ARHGEF7: variants seen among roughly 807,000 people sequenced by gnomAD.
ARHGEF7 encodes the protein Rho guanine nucleotide exchange factor 7, also known as PAK-interacting exchange factor beta.
ARHGEF7 carries 33 observed loss-of-function variants against 109.8 expected under a neutral mutation model. That is an observed-to-expected ratio of 0.30 (90% CI 0.23 to 0.40). ARHGEF7 has a LOEUF of 0.40. ARHGEF7 is among the 10% of genes least tolerant of loss of function. The pLI is 1.00. For synonymous variants in ARHGEF7, 458 were observed against 424.6 expected (o/e 1.08, Z -0.97); for missense variants, 938 against 1,098.5 (o/e 0.85, Z 2.07).
intron 1 of ARHGEF7, among the ~76,000 whole-genome samples, chr13:111,117,636 T>A (rs1402411021): frequency 6.6e-6 from 1 of 152,232 alleles, no homozygotes; most frequent in Non-Finnish European, 1.5e-5. Flanking sequence ...TTTTTCCATT[T>A]GCTAGGCAGA....
chr13:111,115,735 C>T, intron 1 of ARHGEF7, 44 bp downstream of exon 1: 3 of 1,083,734 alleles, frequency 2.8e-6, no homozygotes, highest in South Asian at 8.7e-5. Flanking sequence ...CCGGTCCGGC[C>T]CGCTGCGGCC....
At chr13:111,212,218 G>C (rs1250183676) in intron 4 of ARHGEF7, among the ~76,000 whole-genome samples, 2 of 152,188 alleles carry the variant, frequency 1.3e-5, no homozygotes, top group Admixed American at 6.5e-5. Flanking sequence ...CACTGCAGTG[G>C]AGGTTTTCAC....
intron 1 of ARHGEF7, among the ~76,000 whole-genome samples, chr13:111,118,901 G>A (rs1293680118): frequency 2.6e-5 from 4 of 152,176 alleles, no homozygotes; most frequent in Admixed American, 2.6e-4. Context: ...TCCATGTGAT[G>A]TGCTCCCGAG....
At chr13:111,201,772 G>A (rs2081236558) in intron 2 of ARHGEF7, among the ~76,000 whole-genome samples, 3 of 152,126 alleles carry the variant, frequency 2.0e-5, no homozygotes, top group Non-Finnish European at 1.5e-5. Context: ...GCTCTGCTCC[G>A]TAGTCTCAGC....
chr13:111,231,724 G>T (rs923618470), intron 5 of ARHGEF7, among the ~76,000 whole-genome samples: 1 of 152,148 alleles, frequency 6.6e-6, no homozygotes, highest in Non-Finnish European at 1.5e-5. Context: ...GATGGGGGAC[G>T]CATGGGAGGA....
rs2153584595 is a variant in ARHGEF7, at chr13:111,267,460, C to T, written c.951-88C>T. ...CAGATGGGTGCAGAGGGAGGTTTTCCTTACTCAGAGTATTATATGTCTGTC... is the reference window on the plus strand; with the variant it reads ...CAGATGGGTGCAGAGGGAGGTTTTCTTTACTCAGAGTATTATATGTCTGTC... On this transcript the variant is annotated intron_variant, in intron 8 of 21. Coordinates refer to ENST00000646102, the MANE Select transcript of ARHGEF7 (RefSeq NM_001354046.2). 2.6e-6 allele frequency: 4 copies of T among 1,550,438 alleles called. 1 individual carries two copies. The highest frequency in any genetic ancestry group is 4.6e-5 in the East Asian group (2 of 43,252).
rs1344414447 is a variant in ARHGEF7, at chr13:111,303,934, C to T, written c.*821C>T. 6.6e-6 allele frequency: 1 copy of T among 152,202 alleles called. No individual in the cohort carries two copies. The highest frequency in any genetic ancestry group is 6.5e-5 in the Admixed American group (1 of 15,274). The allele number at this position is 152,202 out of a possible 1,614,324, so 9.4% of individuals were successfully genotyped here. ...AGGCTAGTTCAGTAACAACAAAATACACTGTTTTGTCTTCCCTCAAAGAGA... is the reference window on the plus strand; with the variant it reads ...AGGCTAGTTCAGTAACAACAAAATATACTGTTTTGTCTTCCCTCAAAGAGA... On this transcript the variant is annotated 3_prime_UTR_variant, in exon 22 of 22. Coordinates refer to ENST00000646102, the MANE Select transcript of ARHGEF7 (RefSeq NM_001354046.2).
At chr13:111,158,969 C>T in intron 2 of ARHGEF7, 2 of 715,834 alleles carry the variant, frequency 2.8e-6, no homozygotes, top group Non-Finnish European at 2.6e-6. Flanking sequence ...AAATTTATTC[C>T]TCCCGTCCGA....
At chr13:111,231,816 G>C (rs573833603) in intron 5 of ARHGEF7, among the ~76,000 whole-genome samples, 2 of 152,266 alleles carry the variant, frequency 1.3e-5, no homozygotes, top group East Asian at 3.9e-4. Flanking sequence ...CAGTGAGGGG[G>C]TTCACATGGC....
intron 5 of ARHGEF7, among the ~76,000 whole-genome samples, chr13:111,220,542 T>C (rs1174482389): frequency 6.6e-6 from 1 of 151,958 alleles, no homozygotes; most frequent in Non-Finnish European, 1.5e-5. Flanking sequence ...TCCTCTCCAG[T>C]TGGAAGTGAT....
At position 111,267,644 on chromosome 13, in the gene ARHGEF7, T is replaced by G; in HGVS notation, c.1047T>G (p.Ser349=). ...TCACGTATTGTGCCAATCACCCTTCTGCAGTGAATGTCCTCACGGAACACA... is the reference window on the plus strand; with the variant it reads ...TCACGTATTGTGCCAATCACCCTTCGGCAGTGAATGTCCTCACGGAACACA... ...LYLTYCANHP[S]AVNVLTEHSE... is the part of the protein sequence containing the mutation. The change falls in exon 9 of 22, where the codon TCT becomes TCG. Residue 349 remains serine, a synonymous_variant. Coordinates refer to ENST00000646102, the MANE Select transcript of ARHGEF7 (RefSeq NM_001354046.2). 1 of 1,614,098 alleles carries G rather than the reference T, an allele frequency of 6.2e-7. No individual in the cohort carries two copies. Among genetic ancestry groups the G allele is most frequent in the Non-Finnish European group, 8.5e-7 (1 of 1,179,938 alleles).
At chr13:111,181,771 A>T (rs2078755399) in intron 2 of ARHGEF7, among the ~76,000 whole-genome samples, 1 of 152,190 alleles carries the variant, frequency 6.6e-6, no homozygotes. Context: ...CGCAGCTGTC[A>T]TGGGGTTGGG....
chr13:111,128,854 A>T (rs1385875433), intron 1 of ARHGEF7, among the ~76,000 whole-genome samples: 1 of 152,200 alleles, frequency 6.6e-6, no homozygotes, highest in Non-Finnish European at 1.5e-5. Flanking sequence ...AAATCCCAGA[A>T]TTTTTTCAGT....
chr13:111,238,584 T>C (rs757300755), intron 6 of ARHGEF7, among the ~76,000 whole-genome samples: 10 of 152,194 alleles, frequency 6.6e-5, no homozygotes, highest in Non-Finnish European at 1.0e-4. Context: ...GAGACAGGTT[T>C]GTGACCTGAT....
intron 2 of ARHGEF7, chr13:111,158,910 A>G: frequency 1.6e-6 from 1 of 630,428 alleles, no homozygotes; most frequent in Non-Finnish European, 2.9e-6. Flanking sequence ...TTTGAAATAT[A>G]CTTTAAATTA....
intron 20 of ARHGEF7, 79 bp downstream of exon 20, chr13:111,300,926 G>T: frequency 1.2e-6 from 1 of 839,718 alleles, no homozygotes; most frequent in Non-Finnish European, 1.8e-6. Flanking sequence ...CTCCCTGAGG[G>T]CGGGGGTATG....
chr13:111,203,929 C>A (rs66525206), intron 2 of ARHGEF7, among the ~76,000 whole-genome samples: 1 of 152,114 alleles, frequency 6.6e-6, no homozygotes, highest in Non-Finnish European at 1.5e-5. Context: ...CGTCTCCATT[C>A]GGATGCCTTT....
At chr13:111,134,957 A>G (rs1454403769) in intron 1 of ARHGEF7, among the ~76,000 whole-genome samples, 2 of 152,194 alleles carry the variant, frequency 1.3e-5, no homozygotes, top group East Asian at 3.8e-4. Flanking sequence ...ATCCATCTTG[A>G]ATTAATTTTT....
chr13:111,125,061 G>C (rs2067467829), intron 1 of ARHGEF7, among the ~76,000 whole-genome samples: 1 of 152,002 alleles, frequency 6.6e-6, no homozygotes, highest in Non-Finnish European at 1.5e-5. Flanking sequence ...CGCCCAACCA[G>C]GTGTCTTCTA....
Sources: allele counts gnomAD v4.1 joint callset (sites outside exome capture counted in the v4.1 genomes callset), GRCh38; gene constraint gnomAD v4.1.1; transcripts MANE v1.5; gene names NCBI Gene and HGNC (gene_info 2026-07-23, HGNC 2026-07-21).